SANBR: variants seen among roughly 807,000 people sequenced by gnomAD.
The protein encoded by SANBR is SANT and BTB domain regulator of CSR, also known as SANT and BTB domain regulator of class switch recombination.
SANBR carries 77 observed loss-of-function variants against 101.8 expected under a neutral mutation model. The observed-to-expected ratio is 0.76, with a 90% CI of 0.63 to 0.91. SANBR has a LOEUF of 0.91. SANBR is among the 40% of genes least tolerant of loss of function. SANBR has a pLI of 0.00. For synonymous variants in SANBR, 279 were observed against 274.7 expected, an observed-to-expected ratio of 1.02 and a Z score of -0.15; for missense variants, 875 against 853.0, an observed-to-expected ratio of 1.03 and a Z score of -0.32.
chr2:61,108,314 T>C lies in SANBR; in HGVS notation c.1612-3T>C, dbSNP rs1484629506. 9 of 1,563,182 alleles carry C rather than the reference T, an allele frequency of 5.8e-6. No homozygotes were observed. The highest frequency in any genetic ancestry group is 3.4e-4 in the Middle Eastern group (2 of 5,924). ...TTATTAATCTCTTATTCCTGTCTTG[T>C]AGTTCTTGTCATTGAAAAACTGGAC... On this transcript the variant is annotated splice_region_variant and splice_polypyrimidine_tract_variant and intron_variant, in intron 14 of 21. Transcript: ENST00000402291.
intron 11 of SANBR, 79 bp from the exon 12 acceptor site, chr2:61,097,616 CATATA>C: frequency 9.7e-7 from 1 of 1,027,596 alleles, no homozygotes. Context: ...AAAAATGGAA[CATATA>C]ATATTTGGTC....
At chr2:61,075,413 A>G (rs180678642) in intron 5 of SANBR, among the ~76,000 whole-genome samples, 1 of 151,718 alleles carries the variant, frequency 6.6e-6, no homozygotes, top group East Asian at 2.0e-4. Context: ...ATGCACCACC[A>G]TGCCGGCTAA....
At chr2:61,103,667 T>C (rs1273766860) in intron 12 of SANBR, among the ~76,000 whole-genome samples, 186 bp from the exon 13 acceptor site, 1 of 152,230 alleles carries the variant, frequency 6.6e-6, no homozygotes, top group African/African-American at 2.4e-5. Context: ...ATGGGTATTC[T>C]TGGGTATTTG....
intron 21 of SANBR, 71 bp from the exon 22 acceptor site, chr2:61,122,055 A>C (rs1433203857): frequency 1.2e-5 from 19 of 1,532,540 alleles, no homozygotes; most frequent in Non-Finnish European, 1.6e-5. Flanking sequence ...AGCCAACATA[A>C]TCTAAAGGAG....
chr2:61,101,471 C>T (rs1028107117), intron 12 of SANBR, among the ~76,000 whole-genome samples: 1 of 152,188 alleles, frequency 6.6e-6, no homozygotes, highest in East Asian at 1.9e-4. Context: ...CTGTGGCTCA[C>T]GCCTGTAATC....
Position 61,124,194 on chromosome 2 carries a change from A to G in SANBR, c.*2032A>G. The G allele has an allele frequency of 1.0e-6, 1 of 980,262 alleles. No homozygotes were observed. Among genetic ancestry groups the G allele is most frequent in the Non-Finnish European group, 1.2e-6 (1 of 825,112 alleles). 60.7% of individuals were successfully genotyped at this position (980,262 alleles called of 1,614,324 possible). ...ACATTTTACTTAAACTCTTAATAGC[A>G]TTTCTTTCGCCAGATACTTTAATAT... On this transcript the variant is annotated 3_prime_UTR_variant, in exon 22 of 22. Transcript: ENST00000402291.
At chr2:61,088,616 G>C (rs756549757) in intron 10 of SANBR, 148 bp downstream of exon 10, 8 of 457,120 alleles carry the variant, frequency 1.8e-5, no homozygotes, top group Non-Finnish European at 2.6e-5. Context: ...CGCCTCCCAG[G>C]TTCAAGCGAT....
intron 14 of SANBR, among the ~76,000 whole-genome samples, chr2:61,107,212 G>T (rs577886736): frequency 1.1e-4 from 17 of 151,986 alleles, no homozygotes; most frequent in African/African-American, 3.6e-4. Context: ...GGTCTTTAAG[G>T]TTTTTATTAT....
intron 4 of SANBR, among the ~76,000 whole-genome samples, chr2:61,072,821 CTTTT>C (rs70959893): frequency 1.3e-3 from 42 of 31,652 alleles, no homozygotes; most frequent in Non-Finnish European, 2.0e-3. Flanking sequence ...TCTCATGTTA[CTTTT>C]TTTTTTTTTT....
chr2:61,106,587 T>A lies in SANBR; in HGVS notation c.1536T>A (p.Asp512Glu), dbSNP rs1683580162. ...TVSDVGVGLC[D>E]EKGIECDVLL... ...GTGATGTTGGGGTTGGCCTCTGTGA[T>A]GAAAAGGGTATAGAATGTGATGTTT... The change falls in exon 14 of 22, where the codon GAT (aspartate) becomes GAA (glutamate). Residue 512 changes from aspartate to glutamate, a missense_variant. Physicochemically the swap from Asp to Glu is conservative, Grantham distance 45. Transcript: ENST00000402291. 6.2e-7 allele frequency: 1 copy of A among 1,601,996 alleles called. No individual in the cohort carries two copies. The highest frequency in any genetic ancestry group is 1.1e-5 in the South Asian group (1 of 87,254).
rs561636879 is a variant in SANBR at position 61,095,073 on chromosome 2, A to G, written c.1212+2486A>G. Among the ~76,000 whole-genome samples, 22 of 152,300 alleles carry G rather than the reference A, an allele frequency of 1.4e-4. No homozygotes were observed. In the South Asian group the frequency reaches 4.3e-3, roughly 30 times the overall value. On this transcript the variant is annotated intron_variant, in intron 11 of 21. Coordinates refer to ENST00000402291, the MANE Select transcript of SANBR (RefSeq NM_001129993.3). ...TCTACCAGCTACATATGAGAGTTCTAGTTGCCCCCCATCTCAGTAGCAATT... is the reference window on the plus strand; with the variant it reads ...TCTACCAGCTACATATGAGAGTTCTGGTTGCCCCCCATCTCAGTAGCAATT...
intron 12 of SANBR, among the ~76,000 whole-genome samples, chr2:61,098,721 G>T (rs562379498): frequency 1.4e-4 from 21 of 152,286 alleles, no homozygotes; most frequent in African/African-American, 5.1e-4. Flanking sequence ...TAAATGTCAC[G>T]TGTGAATGAA....
chr2:61,121,413 C>T (rs1684326177), intron 21 of SANBR, 137 bp downstream of exon 21: 2 of 523,528 alleles, frequency 3.8e-6, no homozygotes, highest in East Asian at 3.4e-5. Context: ...ATTATCAAGG[C>T]ACTAATTAGA....
At chr2:61,109,663 C>A (rs1573650213) in intron 16 of SANBR, among the ~76,000 whole-genome samples, 2 of 142,166 alleles carry the variant, frequency 1.4e-5, no homozygotes, top group African/African-American at 2.6e-5. Context: ...TAGTGGAAAG[C>A]ATGTTTTTTT....
chr2:61,083,336 T>G (rs771362507), intron 8 of SANBR, 22 bp downstream of exon 8: 1 of 1,325,752 alleles, frequency 7.5e-7, no homozygotes, highest in Non-Finnish European at 1.1e-6. Context: ...AGTTTAATTT[T>G]AAACCTAATA....
intron 20 of SANBR, chr2:61,134,073 T>G: frequency 6.3e-7 from 1 of 1,588,648 alleles, no homozygotes; most frequent in South Asian, 1.1e-5. Flanking sequence ...AATCTCTTCT[T>G]GTGTTTGCCT....
At chr2:61,116,740 G>A (rs1043672317) in intron 17 of SANBR, among the ~76,000 whole-genome samples, 6 of 151,962 alleles carry the variant, frequency 3.9e-5, no homozygotes, top group African/African-American at 1.5e-4. Context: ...GCATATAAGT[G>A]GGTTAATTCT....
At chr2:61,095,661 C>T (rs573632669) in intron 11 of SANBR, among the ~76,000 whole-genome samples, 1 of 152,186 alleles carries the variant, frequency 6.6e-6, no homozygotes, top group Admixed American at 6.5e-5. Flanking sequence ...CTCTCCTCCC[C>T]GACAGGACCC....
chr2:61,120,284 C>T (rs1308311115), intron 20 of SANBR, among the ~76,000 whole-genome samples: 2 of 151,786 alleles, frequency 1.3e-5, no homozygotes, highest in African/African-American at 4.8e-5. Flanking sequence ...GGGCGGATCA[C>T]AAAGTCAAGA....
Sources: gnomAD v4.1 joint callset for allele counts (sites outside exome capture counted in the v4.1 genomes callset) on GRCh38, gnomAD v4.1.1 for gene constraint, MANE v1.5 for transcripts, NCBI Gene and HGNC (gene_info 2026-07-23, HGNC 2026-07-21) for gene names.